GRID1: variants seen among roughly 807,000 people sequenced by gnomAD.
GRID1 encodes the protein glutamate receptor ionotropic, delta-1.
Under a neutral mutation model 98.0 loss-of-function variants are expected in GRID1, and 28 were observed. The ratio of observed to expected loss-of-function variants is 0.29; its 90% CI spans 0.21 to 0.39. The LOEUF (loss-of-function observed/expected upper bound fraction) is 0.39. Among genes scored for constraint, GRID1 ranks in the 10% least tolerant of loss-of-function variants. GRID1 has a pLI of 1.00. For synonymous variants in GRID1, 553 were observed against 538.5 expected (o/e 1.03, Z -0.37); for missense variants, 1,111 against 1,340.5 (o/e 0.83, Z 2.67).
intron 4 of GRID1, among the ~76,000 whole-genome samples, chr10:86,102,847 T>C (rs940833662): frequency 3.9e-5 from 6 of 152,216 alleles, no homozygotes; most frequent in Non-Finnish European, 8.8e-5. Flanking sequence ...CCACATGTCA[T>C]GGGAGGCACC....
At position 86,028,219 on chromosome 10, in the gene GRID1, G is replaced by T. The variant is rs144357495; in HGVS notation, c.726+110600C>A. ...ACCCTAGCCTGCTCCCACTGCATATGTGTGCTGCCCCACCAAACTGTGCAC... is the reference window on the plus strand; with the variant it reads ...ACCCTAGCCTGCTCCCACTGCATATTTGTGCTGCCCCACCAAACTGTGCAC... On this transcript the variant is annotated intron_variant, in intron 4 of 15. Coordinates refer to ENST00000327946, the MANE Select transcript of GRID1 (RefSeq NM_017551.3). 9.5e-4 allele frequency among the ~76,000 whole-genome samples: 144 copies of T among 152,306 alleles called. No homozygotes were observed. The East Asian group carries it at 0.026, about 27-fold the overall frequency.
At chr10:86,317,351 G>A (rs1444057104) in intron 2 of GRID1, among the ~76,000 whole-genome samples, 1 of 152,240 alleles carries the variant, frequency 6.6e-6, no homozygotes, top group African/African-American at 2.4e-5. Flanking sequence ...CAGAGTAAAG[G>A]AAAGCATGTG....
chr10:85,625,928 T>C (rs1294284909), intron 13 of GRID1, among the ~76,000 whole-genome samples: 1 of 152,204 alleles, frequency 6.6e-6, no homozygotes, highest in Non-Finnish European at 1.5e-5. Context: ...GCACAACCTT[T>C]CAGAGACATC....
At chr10:85,827,914 C>T (rs1324341576) in intron 8 of GRID1, among the ~76,000 whole-genome samples, 8 of 152,136 alleles carry the variant, frequency 5.3e-5, no homozygotes. Context: ...AGGACTTGAA[C>T]TTGGCACTCA....
At chr10:86,080,616 C>G (rs531792572) in intron 4 of GRID1, among the ~76,000 whole-genome samples, 1 of 152,102 alleles carries the variant, frequency 6.6e-6, no homozygotes, top group East Asian at 1.9e-4. Context: ...TGTAGGATGC[C>G]CGGCATCCTC....
intron 4 of GRID1, among the ~76,000 whole-genome samples, chr10:85,968,538 C>A (rs898567894): frequency 1.3e-5 from 2 of 150,522 alleles, no homozygotes; most frequent in Non-Finnish European, 3.0e-5. Flanking sequence ...TATGCAATTT[C>A]GACAGCAACA....
chr10:86,015,784 G>A (rs1043615766), intron 4 of GRID1, among the ~76,000 whole-genome samples: 10 of 152,126 alleles, frequency 6.6e-5, no homozygotes, highest in Non-Finnish European at 1.2e-4. Flanking sequence ...TAGTGGGAGC[G>A]GACTTCATCG....
At chr10:85,942,857 C>T (rs890237221) in intron 4 of GRID1, among the ~76,000 whole-genome samples, 2 of 152,132 alleles carry the variant, frequency 1.3e-5, no homozygotes, top group Non-Finnish European at 2.9e-5. Context: ...TTAAATACTA[C>T]ACATGTCTTT....
chr10:86,172,518 C>T (rs888159591), intron 3 of GRID1, among the ~76,000 whole-genome samples: 13 of 152,262 alleles, frequency 8.5e-5, no homozygotes, highest in African/African-American at 2.9e-4. Context: ...ATAAACCTCC[C>T]TCCCACCGCA....
At position 85,601,027 on chromosome 10, in the gene GRID1, G is replaced by T. The variant is rs1166327835; in HGVS notation, c.*1246C>A. 2.6e-5 allele frequency: 4 copies of T among 152,292 alleles called. No individual in the cohort carries two copies. Among genetic ancestry groups the T allele is most frequent in the African/African-American group, 9.7e-5 (4 of 41,440 alleles). The allele number at this position is 152,292 out of a possible 1,614,324, so 9.4% of individuals were successfully genotyped here. Reference sequence around the variant, plus strand: ...CTGCAGGATTTATGACCCAGAGATAGGCCTTTACTTTTGGGGCTACAAGCA... The same window carrying T: ...CTGCAGGATTTATGACCCAGAGATATGCCTTTACTTTTGGGGCTACAAGCA... On this transcript the variant is annotated 3_prime_UTR_variant, in exon 16 of 16. Transcript: ENST00000327946.
intron 2 of GRID1, among the ~76,000 whole-genome samples, chr10:86,310,764 G>A (rs1306826320): frequency 2.0e-5 from 3 of 152,168 alleles, no homozygotes; most frequent in Non-Finnish European, 2.9e-5. Flanking sequence ...ACCCCAGTCT[G>A]CTGGAGACTG....
At chr10:86,289,664 C>T (rs899581920) in intron 2 of GRID1, among the ~76,000 whole-genome samples, 2 of 152,146 alleles carry the variant, frequency 1.3e-5, no homozygotes, top group South Asian at 2.1e-4. Context: ...CCTCCCACCC[C>T]GATTTTCTTT....
intron 2 of GRID1, among the ~76,000 whole-genome samples, chr10:86,281,139 GC>G (rs1253655253): frequency 1.3e-5 from 2 of 152,160 alleles, no homozygotes; most frequent in Non-Finnish European, 2.9e-5. Context: ...CTCCATCAGG[GC>G]CTGGCACAGC....
At chr10:86,227,799 G>A (rs7911017) in intron 2 of GRID1, among the ~76,000 whole-genome samples, 43,257 of 152,034 alleles carry the variant, frequency 0.28, 7,000 homozygotes, top group Non-Finnish European at 0.38. Flanking sequence ...TCCATGCACC[G>A]TTCCCACCAC....
intron 2 of GRID1, among the ~76,000 whole-genome samples, chr10:86,334,968 C>T (rs1225164310): frequency 6.6e-6 from 1 of 152,266 alleles, no homozygotes. Flanking sequence ...GAGCCATTTG[C>T]TGCTGCATGG....
chr10:86,225,951 G>A (rs1399733727), intron 2 of GRID1, among the ~76,000 whole-genome samples: 3 of 152,128 alleles, frequency 2.0e-5, no homozygotes, highest in Non-Finnish European at 4.4e-5. Context: ...CTTTTCTACA[G>A]AGCTGGGGGC....
At chr10:86,182,030 G>A (rs775008669) in intron 3 of GRID1, among the ~76,000 whole-genome samples, 1 of 152,162 alleles carries the variant, frequency 6.6e-6, no homozygotes, top group Non-Finnish European at 1.5e-5. Context: ...AAAGTGAAGT[G>A]GGCTTCTTTA....
At chr10:85,680,428 C>T (rs556961098) in intron 12 of GRID1, among the ~76,000 whole-genome samples, 1 of 152,330 alleles carries the variant, frequency 6.6e-6, no homozygotes, top group African/African-American at 2.4e-5. Flanking sequence ...GATGGAAACT[C>T]TCATCCATCT....
At chr10:85,744,669 T>C (rs1255392525) in intron 8 of GRID1, among the ~76,000 whole-genome samples, 1 of 88,120 alleles carries the variant, frequency 1.1e-5, no homozygotes, top group Non-Finnish European at 2.2e-5. Context: ...GGGCAAGGAC[T>C]TCATGTCCAA....
Sources: allele counts gnomAD v4.1 joint callset (sites outside exome capture counted in the v4.1 genomes callset), GRCh38; gene constraint gnomAD v4.1.1; transcripts MANE v1.5; gene names NCBI Gene and HGNC (gene_info 2026-07-23, HGNC 2026-07-21).